The following USP38 variants were observed in gnomAD, a reference collection of about 807,000 sequenced individuals.
USP38 encodes ubiquitin carboxyl-terminal hydrolase 38.
In USP38, 49 loss-of-function variants were observed where a neutral mutation model predicts 94.3. The observed-to-expected ratio is 0.52, with a 90% CI of 0.41 to 0.66. The LOEUF (loss-of-function observed/expected upper bound fraction) is 0.66, where lower values mean the gene tolerates loss of function less well. Ranked by LOEUF, USP38 falls within the 30% of genes least tolerant of loss-of-function variation. USP38 has a pLI of 0.00. For synonymous variants in USP38, 468 were observed against 463.6 expected (o/e 1.01, Z -0.12); for missense variants, 1,128 against 1,229.4 (o/e 0.92, Z 1.23).
chr4:143,202,277 T>C (rs1211009925), intron 4 of USP38, among the ~76,000 whole-genome samples: 4 of 152,166 alleles, frequency 2.6e-5, no homozygotes, highest in African/African-American at 4.8e-5. Flanking sequence ...TACAGTGTGA[T>C]TTAAGCACAA....
intron 9 of USP38, among the ~76,000 whole-genome samples, chr4:143,217,316 T>C (rs957008926): frequency 6.6e-6 from 1 of 152,222 alleles, no homozygotes. Flanking sequence ...CAGCTATCAC[T>C]TCTTAAACAC....
chr4:143,185,924 C>A lies in USP38; in HGVS notation c.474C>A (p.Ile158=), dbSNP rs1367972954. Residue 158 remains isoleucine (I), a synonymous_variant, in exon 1 of 10, where the codon ATC becomes ATA. Coordinates refer to ENST00000307017, the MANE Select transcript of USP38 (RefSeq NM_032557.6). ...TTCTGACCGACTTTGTGCAATGCAT[C>A]CCCAAGGGGAAATTGTCCATCACGT... ...SDLLTDFVQC[I]PKGKLSITFC... The A allele has an allele frequency of 6.2e-7, 1 of 1,614,220 alleles. No individual in the cohort carries two copies.
chr4:143,199,403 G>A (rs1581160302), intron 4 of USP38, among the ~76,000 whole-genome samples: 1 of 152,124 alleles, frequency 6.6e-6, no homozygotes, highest in Non-Finnish European at 1.5e-5. Context: ...CATTTAGATT[G>A]ATTCCATTTC....
chr4:143,217,222 T>G (rs1183820758), intron 9 of USP38, among the ~76,000 whole-genome samples: 1 of 152,180 alleles, frequency 6.6e-6, no homozygotes, highest in East Asian at 1.9e-4. Context: ...CTACGTTCTT[T>G]ATTCTGTTAT....
intron 6 of USP38, among the ~76,000 whole-genome samples, chr4:143,207,327 C>T (rs10023498): frequency 0.059 from 8,932 of 152,198 alleles, 774 homozygotes; most frequent in African/African-American, 0.19. Flanking sequence ...ATCATGAGGT[C>T]AGGAATTTGA....
chr4:143,220,236 G>A (rs914803808), intron 9 of USP38, 59 bp from the exon 10 acceptor site: 1 of 1,483,428 alleles, frequency 6.7e-7, no homozygotes, highest in African/African-American at 1.4e-5. Context: ...TTCTATAGGT[G>A]ATATAACGAT....
Position 143,214,290 on chromosome 4 carries a change from C to T in USP38, c.2314C>T (p.Gln772Ter). ...ILTLLRFSYD[Q>*]KYHVRRKILD... ...TACTCTCCTGAGATTTTCATATGAT[C>T]AGAAGTATCATGTGAGAAGGAAAAT... Residue 772 changes from glutamine (Q) to a stop codon, truncating the protein, a stop_gained, in exon 9 of 10, where the codon CAG (glutamine) becomes TAG (stop). Coordinates refer to ENST00000307017, the MANE Select transcript of USP38 (RefSeq NM_032557.6). LOFTEE classifies it high-confidence loss of function. 6.2e-7 allele frequency: 1 copy of T among 1,612,962 alleles called. No homozygotes were observed. Among genetic ancestry groups the T allele is most frequent in the Non-Finnish European group, 8.5e-7 (1 of 1,179,624 alleles).
At chr4:143,195,654 G>A (rs950420646) in intron 2 of USP38, 62 bp from the exon 3 acceptor site, 3 of 1,504,052 alleles carry the variant, frequency 2.0e-6, no homozygotes, top group Non-Finnish European at 2.7e-6. Context: ...TGTAACTCTT[G>A]TTATCACTAA....
chr4:143,220,462 A>G lies in USP38; in HGVS notation c.*6A>G. 6.2e-7 allele frequency: 1 copy of G among 1,608,244 alleles called. No homozygotes were observed. Among genetic ancestry groups the G allele is most frequent in the Non-Finnish European group, 8.5e-7 (1 of 1,177,364 alleles). ...TTGGCAGACTCGTATTTTGATCCTG[A>G]GAGAGTCCAAAATGCACTGGTCACG... On this transcript the variant is annotated 3_prime_UTR_variant, in exon 10 of 10. Transcript: ENST00000307017.
chr4:143,202,113 G>A (rs1021173186), intron 4 of USP38, among the ~76,000 whole-genome samples: 2 of 152,132 alleles, frequency 1.3e-5, no homozygotes, highest in African/African-American at 2.4e-5. Context: ...TTTAGCAAGA[G>A]AATATCTGAT....
At chr4:143,203,297 C>A in intron 4 of USP38, 111 bp from the exon 5 acceptor site, 1 of 1,064,950 alleles carries the variant, frequency 9.4e-7, no homozygotes, top group Non-Finnish European at 1.3e-6. Flanking sequence ...TGTGACTGCA[C>A]ATACAGAAAA....
chr4:143,219,158 G>C (rs1354122172), intron 9 of USP38, among the ~76,000 whole-genome samples: 2 of 152,074 alleles, frequency 1.3e-5, no homozygotes, highest in Non-Finnish European at 2.9e-5. Context: ...AGACTGGTTA[G>C]TTAAGCCATT....
intron 2 of USP38, among the ~76,000 whole-genome samples, chr4:143,192,083 T>C (rs972345139): frequency 6.6e-6 from 1 of 152,250 alleles, no homozygotes; most frequent in Non-Finnish European, 1.5e-5. Flanking sequence ...AACTGTGTAA[T>C]TGTTGACAAA....
At chr4:143,206,624 A>G (rs1731875985) in intron 6 of USP38, among the ~76,000 whole-genome samples, 1 of 152,210 alleles carries the variant, frequency 6.6e-6, no homozygotes, top group Admixed American at 6.5e-5. Context: ...CAGGAGGCAG[A>G]GGTTGCAGTG....
At chr4:143,206,248 T>G in intron 6 of USP38, 22 bp downstream of exon 6, 1 of 1,533,842 alleles carries the variant, frequency 6.5e-7, no homozygotes, top group Non-Finnish European at 8.8e-7. Context: ...CTTGAATCTT[T>G]TCATTTTAAC....
At chr4:143,218,433 TG>T (rs1732239424) in intron 9 of USP38, among the ~76,000 whole-genome samples, 1 of 152,112 alleles carries the variant, frequency 6.6e-6, no homozygotes, top group South Asian at 2.1e-4. Context: ...TGTTCTTACC[TG>T]TATTAAGTAA....
intron 2 of USP38, among the ~76,000 whole-genome samples, chr4:143,190,542 G>C (rs1731366086): frequency 6.6e-6 from 1 of 151,894 alleles, no homozygotes; most frequent in Non-Finnish European, 1.5e-5. Context: ...GCCTGATGTT[G>C]GTGTTTATTT....
Position 143,220,370 on chromosome 4 carries a change from G to A in USP38, c.3043G>A (p.Asp1015Asn). 1 of 1,613,530 alleles carries A rather than the reference G, an allele frequency of 6.2e-7. No individual in the cohort carries two copies. Among genetic ancestry groups the A allele is most frequent in the African/African-American group, 1.3e-5 (1 of 74,976 alleles). Residue 1015 changes from aspartate (D) to asparagine (N), a missense_variant, in exon 10 of 10, where the codon GAT (aspartate) becomes AAT (asparagine). By Grantham distance (23) the Asp-to-Asn change is conservative. Coordinates refer to ENST00000307017, the MANE Select transcript of USP38 (RefSeq NM_032557.6). ...ATGTTCATTTCGGCCCAATGGATTTGATGACAACGACCCACCAGGAAGCTG... is the reference window on the plus strand; with the variant it reads ...ATGTTCATTTCGGCCCAATGGATTTAATGACAACGACCCACCAGGAAGCTG... ...ASCSFRPNGF[D>N]DNDPPGSCGP...
intron 2 of USP38, among the ~76,000 whole-genome samples, chr4:143,191,048 G>A (rs942966693): frequency 4.6e-5 from 7 of 152,018 alleles, no homozygotes; most frequent in South Asian, 2.1e-4. Context: ...TGTAGCCTGC[G>A]TGATCCTATG....
Sources: gnomAD v4.1 joint callset for allele counts (sites outside exome capture counted in the v4.1 genomes callset) on GRCh38, gnomAD v4.1.1 for gene constraint, MANE v1.5 for transcripts, NCBI Gene and HGNC (gene_info 2026-07-23, HGNC 2026-07-21) for gene names.